Variants in PCCA observed in about 807,000 individuals in gnomAD.
The protein encoded by PCCA is propionyl-CoA carboxylase subunit alpha.
PCCA carries 74 observed loss-of-function variants against 101.3 expected under a neutral mutation model. The observed-to-expected ratio is 0.73, with a 90% confidence interval of 0.61 to 0.89. PCCA has a LOEUF of 0.89. PCCA is among the 40% of genes least tolerant of loss of function. The pLI is 0.00. For synonymous variants in PCCA, 294 were observed against 313.6 expected, an observed-to-expected ratio of 0.94 and a Z score of 0.66; for missense variants, 891 against 907.0, an observed-to-expected ratio of 0.98 and a Z score of 0.23.
chr13:100,282,678 T>C (rs751968724), intron 12 of PCCA, among the ~76,000 whole-genome samples: 2 of 152,244 alleles, frequency 1.3e-5, no homozygotes, highest in African/African-American at 2.4e-5. Flanking sequence ...AATGGCCACC[T>C]GAGGGAAGTA....
chr13:100,397,169 C>A (rs530684841), intron 19 of PCCA, among the ~76,000 whole-genome samples: 165 of 152,226 alleles, frequency 1.1e-3, no homozygotes, highest in African/African-American at 3.9e-3. Flanking sequence ...AAAATAGTGA[C>A]CCTTGCCACT....
chr13:100,146,255 T>A (rs1170957479), intron 4 of PCCA, among the ~76,000 whole-genome samples: 2 of 151,382 alleles, frequency 1.3e-5, no homozygotes, highest in African/African-American at 4.8e-5. Context: ...TGCTTTTTTA[T>A]AAGATATCTG....
chr13:100,433,765 G>T (rs578094983), intron 20 of PCCA, among the ~76,000 whole-genome samples: 1 of 152,266 alleles, frequency 6.6e-6, no homozygotes, highest in African/African-American at 2.4e-5. Context: ...GCTTTATATT[G>T]TAGGGGCAAA....
In PCCA at chr13:100,098,489, TAGTC is replaced by T. The variant is rs1219046693; in HGVS notation, c.106-4391_106-4388del. On this transcript the variant is annotated intron_variant, in intron 1 of 23. Coordinates refer to ENST00000376285, the MANE Select transcript of PCCA (RefSeq NM_000282.4). ...GGGACTGGCCTTTTGAATGCAGTGTTAGTCAGCCCTTGGCCAGGCAGGGTCGGGG... is the reference window on the plus strand; with the variant it reads ...GGGACTGGCCTTTTGAATGCAGTGTTAGCCCTTGGCCAGGCAGGGTCGGGG... Among the ~76,000 whole-genome samples the T allele has an allele frequency of 2.0e-5, 3 of 152,120 alleles. No individual in the cohort carries two copies. The East Asian group carries it at 5.8e-4, about 29-fold the overall frequency.
chr13:100,475,084 G>C (rs1272159980), intron 21 of PCCA, among the ~76,000 whole-genome samples: 7 of 152,104 alleles, frequency 4.6e-5, no homozygotes, highest in Admixed American at 4.6e-4. Flanking sequence ...GTCTCATTCT[G>C]TTGCCCAGGC....
intron 2 of PCCA, among the ~76,000 whole-genome samples, chr13:100,111,052 A>T (rs1344571420): frequency 6.7e-6 from 1 of 149,124 alleles, no homozygotes; most frequent in Non-Finnish European, 1.5e-5. Flanking sequence ...TCGCTTTGTC[A>T]CCAGACAGGA....
chr13:100,502,305 T>G (rs1399976242), intron 21 of PCCA, among the ~76,000 whole-genome samples: 1 of 152,146 alleles, frequency 6.6e-6, no homozygotes, highest in East Asian at 1.9e-4. Flanking sequence ...CAGATTTCAC[T>G]AAGGTAGAGG....
chr13:100,296,248 T>C (rs541893219), intron 12 of PCCA, among the ~76,000 whole-genome samples: 1 of 152,008 alleles, frequency 6.6e-6, no homozygotes, highest in South Asian at 2.1e-4. Flanking sequence ...TTTTTATTTT[T>C]TATTTTTTTG....
At chr13:100,525,732 T>A (rs1594148437) in intron 22 of PCCA, among the ~76,000 whole-genome samples, 1 of 152,166 alleles carries the variant, frequency 6.6e-6, no homozygotes, top group Non-Finnish European at 1.5e-5. Context: ...GTAGGGGCTG[T>A]GCCACCCATG....
chr13:100,264,140 CTGTATATCGTATATATAT>C (rs2062761595), intron 10 of PCCA, among the ~76,000 whole-genome samples: 1 of 118,766 alleles, frequency 8.4e-6, no homozygotes, highest in African/African-American at 3.0e-5. Context: ...TATATGGTAT[CTGTATATCGTATATATAT>C]GGTATCTGTA....
chr13:100,492,706 T>G (rs1450439924), intron 21 of PCCA, among the ~76,000 whole-genome samples: 2 of 150,048 alleles, frequency 1.3e-5, no homozygotes, highest in Non-Finnish European at 3.0e-5. Flanking sequence ...CTCTCCTGTA[T>G]CCATATAAAC....
chr13:100,482,701 G>A (rs1186954474), intron 21 of PCCA, among the ~76,000 whole-genome samples: 1 of 152,226 alleles, frequency 6.6e-6, no homozygotes, highest in Non-Finnish European at 1.5e-5. Flanking sequence ...CGATTCTCCT[G>A]CCTCAGCCTC....
intron 19 of PCCA, among the ~76,000 whole-genome samples, chr13:100,410,127 G>A (rs546030081): frequency 8.5e-5 from 13 of 152,310 alleles, no homozygotes; most frequent in Admixed American, 2.0e-4. Context: ...GCTAATTAAT[G>A]TACTATATGG....
rs956991291 is a variant in PCCA at position 100,150,953 on chromosome 13, G to A, written c.301-4026G>A. 2.0e-6 allele frequency: 3 copies of A among 1,515,234 alleles called. No individual in the cohort carries two copies. In the East Asian group the frequency reaches 6.8e-5, roughly 34 times the overall value. 93.9% of individuals were successfully genotyped at this position (1,515,234 alleles called of 1,614,324 possible). ...CTTGGCCTCGCAGCCCAGTCAGCGC[G>A]CTTTATCAGGCTGGGTGGGGCGGAG... On this transcript the variant is annotated intron_variant, in intron 4 of 23. Coordinates refer to ENST00000376285, the MANE Select transcript of PCCA (RefSeq NM_000282.4).
chr13:100,486,578 A>T (rs1358659286), intron 21 of PCCA, among the ~76,000 whole-genome samples: 1 of 152,198 alleles, frequency 6.6e-6, no homozygotes, highest in Non-Finnish European at 1.5e-5. Context: ...TGAAAAAATA[A>T]AGTTAAAATG....
chr13:100,477,138 A>G (rs2083474025), intron 21 of PCCA, among the ~76,000 whole-genome samples: 1 of 152,168 alleles, frequency 6.6e-6, no homozygotes, highest in Non-Finnish European at 1.5e-5. Flanking sequence ...GCTTGGCCTC[A>G]TTTACGCTCT....
chr13:100,444,473 C>T (rs1443922662), intron 20 of PCCA, among the ~76,000 whole-genome samples: 6 of 134,802 alleles, frequency 4.5e-5, no homozygotes, highest in Admixed American at 7.7e-5. Flanking sequence ...GACGGAGTCT[C>T]GCCCTGTCAC....
chr13:100,237,630 T>C (rs991206634), intron 8 of PCCA: 4 of 152,188 alleles, frequency 2.6e-5, no homozygotes, highest in African/African-American at 9.7e-5. Flanking sequence ...TAAAATAGTT[T>C]AATTCCATCC....
chr13:100,337,557 G>C (rs901065221), intron 17 of PCCA, among the ~76,000 whole-genome samples: 1 of 152,214 alleles, frequency 6.6e-6, no homozygotes, highest in Non-Finnish European at 1.5e-5. Flanking sequence ...TACAGAGCCT[G>C]TTGGAACTGA....
Sources: allele counts gnomAD v4.1 joint callset (sites outside exome capture counted in the v4.1 genomes callset), GRCh38; gene constraint gnomAD v4.1.1; transcripts MANE v1.5; gene names NCBI Gene and HGNC (gene_info 2026-07-23, HGNC 2026-07-21).